The following SYNE2 variants were observed in gnomAD, a reference collection of about 807,000 sequenced individuals.
SYNE2 encodes the protein spectrin repeat containing nuclear envelope protein 2.
A neutral mutation model predicts 856.3 loss-of-function variants in SYNE2; 431 were observed. The ratio of observed to expected loss-of-function variants is 0.50; its 90% CI spans 0.47 to 0.55. The LOEUF is 0.55. SYNE2 is among the 20% of genes least tolerant of loss of function. The pLI, the probability that SYNE2 is intolerant of heterozygous loss-of-function variation, is 0.00. For missense variants in SYNE2, 8,129 were observed against 8,023.2 expected (o/e 1.01, Z -0.50); for synonymous variants, 2,923 against 2,872.3 (o/e 1.02, Z -0.56).
chr14:63,990,015 T>C (rs1420713722), intron 19 of SYNE2, among the ~76,000 whole-genome samples: 1 of 152,222 alleles, frequency 6.6e-6, no homozygotes, highest in Non-Finnish European at 1.5e-5. Context: ...ATTTGAAATT[T>C]ATTTTTGTTA....
chr14:63,925,292 A>G (rs28783479), intron 2 of SYNE2, among the ~76,000 whole-genome samples: 24,101 of 152,182 alleles, frequency 0.16, 2,879 homozygotes, highest in African/African-American at 0.34. Context: ...ACTGCACTCC[A>G]GCCTGGGTGA....
chr14:63,915,051 T>TTAC (rs1322626417), intron 2 of SYNE2, among the ~76,000 whole-genome samples: 8 of 152,266 alleles, frequency 5.3e-5, no homozygotes, highest in African/African-American at 1.4e-4. Flanking sequence ...AGTGCTGGGA[T>TTAC]TACTGGCATG....
chr14:64,126,484 G>A lies in SYNE2; in HGVS notation c.13707+5G>A. The A allele has an allele frequency of 1.2e-6, 2 of 1,614,088 alleles. No homozygotes were observed. The highest frequency in any genetic ancestry group is 1.7e-6 in the Non-Finnish European group (2 of 1,179,980). ...GGCCAGCAGGTGCACTACGAGGTAG[G>A]GCACTTCTCACGAGCCCATGTGTTG... On this transcript the variant is annotated splice_donor_5th_base_variant and intron_variant, in intron 72 of 115. Coordinates refer to ENST00000555002, the MANE Select transcript of SYNE2 (RefSeq NM_182914.3).
At chr14:63,974,850 A>G (rs1159178015) in intron 11 of SYNE2, among the ~76,000 whole-genome samples, 1 of 40,282 alleles carries the variant, frequency 2.5e-5, no homozygotes, top group Non-Finnish European at 4.2e-5. Flanking sequence ...GTGTGTGTGT[A>G]CATGTGTGTG....
intron 1 of SYNE2, among the ~76,000 whole-genome samples, chr14:63,785,883 A>G (rs1887503977): frequency 6.6e-6 from 1 of 152,012 alleles, no homozygotes; most frequent in Non-Finnish European, 1.5e-5. Flanking sequence ...AGGCAGGAGG[A>G]CCAATCGAGC....
chr14:64,125,272 A>G, intron 71 of SYNE2, 62 bp downstream of exon 71: 2 of 1,606,396 alleles, frequency 1.2e-6, no homozygotes, highest in Non-Finnish European at 1.7e-6. Context: ...AGATATCATC[A>G]TTGTGACTTG....
At chr14:63,926,965 T>C (rs1040260994) in intron 2 of SYNE2, among the ~76,000 whole-genome samples, 1 of 152,074 alleles carries the variant, frequency 6.6e-6, no homozygotes, top group Non-Finnish European at 1.5e-5. Flanking sequence ...AGGGGTGGGG[T>C]GCTACAAATG....
intron 78 of SYNE2, among the ~76,000 whole-genome samples, chr14:64,136,041 G>A (rs2098085149): frequency 6.6e-6 from 1 of 152,158 alleles, no homozygotes; most frequent in Non-Finnish European, 1.5e-5. Context: ...TGTAATCCTA[G>A]CACCTTAGGA....
intron 1 of SYNE2, among the ~76,000 whole-genome samples, chr14:63,895,877 G>A (rs2095245040): frequency 2.0e-5 from 3 of 150,768 alleles, no homozygotes; most frequent in African/African-American, 7.3e-5. Flanking sequence ...CATACTAAAT[G>A]AGATAATCAT....
Position 64,030,045 on chromosome 14 carries a change from T to C in SYNE2, c.6865T>C (p.Leu2289=), listed in dbSNP as rs11850509. ...GGATCAAATAGCGGTTGAGGAAAAA[T>C]TGCAGAAACTGCAGGTACTAAACGG... ...PVDQIAVEEK[L]QKLQELENRL... The change falls in exon 44 of 116, where the codon TTG becomes CTG. Residue 2289 remains leucine, a synonymous_variant. Coordinates refer to ENST00000555002, the MANE Select transcript of SYNE2 (RefSeq NM_182914.3). The C allele has an allele frequency of 0.049, 78,933 of 1,613,850 alleles. 2,616 individuals are homozygous for C. Among genetic ancestry groups the C allele is most frequent in the African/African-American group, 0.15 (11,281 of 74,932 alleles).
Position 63,890,761 on chromosome 14 carries a change from C to T in SYNE2, c.-51-18337C>T, listed in dbSNP as rs2095112209. ...CATCCCCAAACTACATTTGCTAGGT[C>T]CTGTCTGCCTTAATGGGGAAATCTT... is the stretch of plus-strand genomic sequence containing the variant. On this transcript the variant is annotated intron_variant, in intron 1 of 115. Coordinates refer to ENST00000555002, the MANE Select transcript of SYNE2 (RefSeq NM_182914.3). Among the ~76,000 whole-genome samples, 4 of 152,182 alleles carry T rather than the reference C, an allele frequency of 2.6e-5. No homozygotes were observed. In the South Asian group the frequency reaches 8.3e-4, roughly 31 times the overall value.
In SYNE2 at chr14:64,171,666, G is replaced by A. The variant is rs559544201; in HGVS notation, c.17235+1204G>A. Among the ~76,000 whole-genome samples, 20 of 152,296 alleles carry A rather than the reference G, an allele frequency of 1.3e-4. No homozygotes were observed. In the South Asian group the frequency reaches 2.9e-3, roughly 22 times the overall value. On this transcript the variant is annotated intron_variant, in intron 94 of 115. Transcript: ENST00000555002. ...GAGAACAAGCTCAGCACAGAGGAAC[G>A]GCAAAAAGGCCAGTGTGACTGGCGC... is the stretch of plus-strand genomic sequence containing the variant.
At chr14:64,122,876 G>T (rs2097908762) in intron 70 of SYNE2, among the ~76,000 whole-genome samples, 1 of 152,164 alleles carries the variant, frequency 6.6e-6, no homozygotes. Context: ...GCTGAGGCAG[G>T]TGGATCACCT....
At chr14:64,111,356 A>G (rs1393463988) in intron 65 of SYNE2, among the ~76,000 whole-genome samples, 3 of 152,212 alleles carry the variant, frequency 2.0e-5, no homozygotes, top group Non-Finnish European at 4.4e-5. Context: ...GTGGCAAAAA[A>G]AGGAAAGGGA....
At chr14:64,125,023 A>C in intron 70 of SYNE2, 56 bp from the exon 71 acceptor site, 1 of 1,602,924 alleles carries the variant, frequency 6.2e-7, no homozygotes, top group Non-Finnish European at 8.5e-7. Flanking sequence ...AAATAAATTA[A>C]TTAACATCAG....
intron 2 of SYNE2, among the ~76,000 whole-genome samples, chr14:63,939,441 C>T (rs368929909): frequency 2.0e-5 from 3 of 151,178 alleles, no homozygotes; most frequent in East Asian, 2.0e-4. Context: ...TCCGCCTCCT[C>T]GGTTCAAATG....
intron 1 of SYNE2, among the ~76,000 whole-genome samples, chr14:63,907,158 C>A (rs949956922): frequency 6.6e-6 from 1 of 152,178 alleles, no homozygotes; most frequent in Non-Finnish European, 1.5e-5. Context: ...TCTCAGAGTA[C>A]CTTCTGTACT....
chr14:64,100,521 A>ATATAT, intron 63 of SYNE2, among the ~76,000 whole-genome samples: 1 of 66,686 alleles, frequency 1.5e-5, no homozygotes, highest in Non-Finnish European at 2.5e-5. Context: ...TCTCAAAAAA[A>ATATAT]AAAAAAAAAA....
chr14:63,796,168 T>G (rs1227293608), intron 1 of SYNE2, among the ~76,000 whole-genome samples: 1 of 152,184 alleles, frequency 6.6e-6, no homozygotes, highest in Non-Finnish European at 1.5e-5. Context: ...AATCAAATGT[T>G]GATGATATTT....
Sources: allele counts gnomAD v4.1 joint callset (sites outside exome capture counted in the v4.1 genomes callset), GRCh38; gene constraint gnomAD v4.1.1; transcripts MANE v1.5; gene names NCBI Gene and HGNC (gene_info 2026-07-23, HGNC 2026-07-21).